Variants in TULP4 observed in about 807,000 individuals in gnomAD.
TULP4 encodes TUB like protein 4.
In TULP4, 16 loss-of-function variants were observed where a neutral mutation model predicts 129.0. That is an observed-to-expected ratio of 0.12 (90% CI 0.08 to 0.19). The LOEUF is 0.19. TULP4 is among the 10% of genes least tolerant of loss of function. The pLI, the probability that TULP4 is intolerant of heterozygous loss-of-function variation, is 1.00. For synonymous variants in TULP4, 998 were observed against 854.0 expected, an observed-to-expected ratio of 1.17 and a Z score of -2.94; for missense variants, 1,842 against 2,059.1, an observed-to-expected ratio of 0.89 and a Z score of 2.04.
upstream of TULP4, among the ~76,000 whole-genome samples, chr6:158,310,060 A>C (rs1779315448): frequency 6.6e-6 from 1 of 152,114 alleles, no homozygotes; most frequent in Admixed American, 6.5e-5. Context: ...GAACAACCAT[A>C]ATTTGTCATT....
intron 1 of TULP4, among the ~76,000 whole-genome samples, chr6:158,241,456 T>C (rs1018915632): frequency 5.3e-5 from 8 of 149,946 alleles, no homozygotes; most frequent in Non-Finnish European, 1.0e-4. Flanking sequence ...CTGGGCACCA[T>C]TGAGCACTGA....
At chr6:158,240,382 C>T (rs1777859268) in intron 1 of TULP4, among the ~76,000 whole-genome samples, 1 of 73,810 alleles carries the variant, frequency 1.4e-5, no homozygotes. Context: ...GGGCGGCTGG[C>T]CGGGCAGAGG....
In TULP4 at chr6:158,486,428, A is replaced by C. The variant is rs374179042; in HGVS notation, c.1487-3160A>C. Among the ~76,000 whole-genome samples the C allele has an allele frequency of 8.1e-3, 1,231 of 152,106 alleles. 16 individuals carry two copies. Among genetic ancestry groups the C allele is most frequent in the African/African-American group, 0.025 (1,042 of 41,496 alleles). ...ATTAGCCGGGCGTGGTGGCGGGTGC[A>C]TGTAGTCCCAGCTACTCAGGAGGCT... is the stretch of plus-strand genomic sequence containing the variant. On this transcript the variant is annotated intron_variant, in intron 8 of 13. Coordinates refer to ENST00000367097, the MANE Select transcript of TULP4 (RefSeq NM_020245.5).
At position 158,366,237 on chromosome 6, in the gene TULP4, C is replaced by A. The variant is rs189165484; in HGVS notation, c.253-46828C>A. Reference sequence around the variant, plus strand: ...TCTTGAAGTTGGTTTCCCTCACAAGCTTTGGGCTTTTAGTTTAGAAGCCTG... The same window carrying A: ...TCTTGAAGTTGGTTTCCCTCACAAGATTTGGGCTTTTAGTTTAGAAGCCTG... On this transcript the variant is annotated intron_variant, in intron 1 of 13. Coordinates refer to ENST00000367097, the MANE Select transcript of TULP4 (RefSeq NM_020245.5). Among the ~76,000 whole-genome samples the A allele has an allele frequency of 4.8e-3, 734 of 152,262 alleles. 4 individuals carry two copies. The highest frequency in any genetic ancestry group is 0.017 in the Middle Eastern group (5 of 294).
rs751872375 is a variant in TULP4, at chr6:158,503,381, C to T, written c.3718C>T (p.Leu1240=). 2 of 1,613,976 alleles carry T rather than the reference C, an allele frequency of 1.2e-6. No homozygotes were observed. Among genetic ancestry groups the T allele is most frequent in the East Asian group, 4.5e-5 (2 of 44,870 alleles). ...CCCACCCAGCCTCTCCTATTGCACC[C>T]TGCCCCCCATGTACCCAGGAAGCAG... ...LYPPSLSYCT[L]PPMYPGSSTC... is the part of the protein sequence containing the mutation. The change falls in exon 13 of 14, where the codon CTG becomes TTG. Residue 1240 remains leucine (L), a synonymous_variant. Transcript: ENST00000367097. This position sits in a 1 kb window ranked among gnomAD's most constrained non-coding sequence, Gnocchi z 4.3.
At chr6:158,322,230 A>T (rs1400333337) in intron 1 of TULP4, among the ~76,000 whole-genome samples, 1 of 152,242 alleles carries the variant, frequency 6.6e-6, no homozygotes, top group African/African-American at 2.4e-5. Flanking sequence ...CATAAATTCT[A>T]CATAGAAAGT....
At chr6:158,378,131 C>G (rs1554285601) in intron 1 of TULP4, among the ~76,000 whole-genome samples, 1 of 152,030 alleles carries the variant, frequency 6.6e-6, no homozygotes, top group Non-Finnish European at 1.5e-5. Flanking sequence ...GAAGAGAAGC[C>G]CATTAAGTTC....
At chr6:158,236,790 C>CTTTTTTTTT (rs1562489169) in intron 1 of TULP4, among the ~76,000 whole-genome samples, 3 of 33,114 alleles carry the variant, frequency 9.1e-5, no homozygotes, top group Non-Finnish European at 1.2e-4. Flanking sequence ...ATGCCCAATT[C>CTTTTTTTTT]TTTTCTTTTT....
At position 158,461,746 on chromosome 6, in the gene TULP4, G is replaced by GA. The variant is rs1562576412; in HGVS notation, c.1026+20dup. 1 of 1,609,986 alleles carries GA rather than the reference G, an allele frequency of 6.2e-7. No homozygotes were observed. The highest frequency in any genetic ancestry group is 8.5e-7 in the Non-Finnish European group (1 of 1,177,896). ...CTCGTGCAGGTAAGGATGTTCTCTG[G>GA]AAACAAGTACATTTTCAGCAGTATA... On this transcript the variant is annotated intron_variant, in intron 6 of 13. Transcript: ENST00000367097.
chr6:158,378,215 C>T (rs535911070), intron 1 of TULP4, among the ~76,000 whole-genome samples: 1 of 152,166 alleles, frequency 6.6e-6, no homozygotes, highest in African/African-American at 2.4e-5. Context: ...ACAGGATGAG[C>T]CCAGATTCAA....
chr6:158,357,023 C>G (rs1390768804), intron 1 of TULP4, among the ~76,000 whole-genome samples: 1 of 152,158 alleles, frequency 6.6e-6, no homozygotes, highest in Non-Finnish European at 1.5e-5. Flanking sequence ...TAGTGGCTGA[C>G]ATTTTCTTAA....
chr6:158,485,886 G>A (rs988959255), intron 8 of TULP4, among the ~76,000 whole-genome samples: 1 of 152,188 alleles, frequency 6.6e-6, no homozygotes, highest in Non-Finnish European at 1.5e-5. Flanking sequence ...TCCCACAATT[G>A]TATTTTGGAA....
chr6:158,284,690 A>G (rs1346749937), intron 1 of TULP4, among the ~76,000 whole-genome samples: 1 of 152,348 alleles, frequency 6.6e-6, no homozygotes, highest in African/African-American at 2.4e-5. Context: ...GCTTTGGTAC[A>G]TTTGGCCTGC....
At position 158,400,679 on chromosome 6, in the gene TULP4, T is replaced by C. The variant is rs537232476; in HGVS notation, c.253-12386T>C. Among the ~76,000 whole-genome samples, 3 of 152,322 alleles carry C rather than the reference T, an allele frequency of 2.0e-5. No individual in the cohort carries two copies. The East Asian group carries it at 5.8e-4, about 29-fold the overall frequency. ...CTTAATTTGTTTTATTTTCACTCTT[T>C]GGTTTTTTGGCAGTGATGTTTTAAA... On this transcript the variant is annotated intron_variant, in intron 1 of 13. Transcript: ENST00000367097.
chr6:158,237,756 T>C (rs661857), intron 1 of TULP4: 392,361 of 809,170 alleles, frequency 0.48, 96,814 homozygotes, highest in Admixed American at 0.56. Flanking sequence ...TCCAAATGTA[T>C]GTAGCACCAG....
At chr6:158,365,608 C>T (rs1394861290) in intron 1 of TULP4, among the ~76,000 whole-genome samples, 1 of 151,478 alleles carries the variant, frequency 6.6e-6, no homozygotes, top group Non-Finnish European at 1.5e-5. Context: ...TCCTGAGTAG[C>T]TGGGACTACA....
intron 1 of TULP4, among the ~76,000 whole-genome samples, chr6:158,397,072 A>C (rs897932715): frequency 6.6e-6 from 1 of 152,232 alleles, no homozygotes; most frequent in African/African-American, 2.4e-5. Context: ...AGAAACAGAC[A>C]ACCAGGTAGT....
chr6:158,279,668 C>T (rs1281582437), upstream of TULP4, among the ~76,000 whole-genome samples: 1 of 152,158 alleles, frequency 6.6e-6, no homozygotes, highest in African/African-American at 2.4e-5. Context: ...TCTCTCTCTC[C>T]CAGGCCAGCC....
intron 1 of TULP4, among the ~76,000 whole-genome samples, chr6:158,332,200 A>AATAT (rs776893885): frequency 0.02 from 359 of 17,752 alleles, 1 homozygote; most frequent in African/African-American, 0.024. Context: ...AAAAAAAAAA[A>AATAT]ATATATATAT....
Sources: allele counts gnomAD v4.1 joint callset (sites outside exome capture counted in the v4.1 genomes callset), GRCh38; gene constraint gnomAD v4.1.1; non-coding constraint Gnocchi (gnomAD v3.1); transcripts MANE v1.5; gene names NCBI Gene and HGNC (gene_info 2026-07-23, HGNC 2026-07-21).